Variants in COL23A1 observed in about 807,000 individuals in gnomAD.
The protein encoded by COL23A1 is collagen type XXIII alpha 1 chain.
Under a neutral mutation model 99.3 loss-of-function variants are expected in COL23A1, and 97 were observed. The observed-to-expected ratio is 0.98, with a 90% CI of 0.83 to 1.16. The LOEUF is 1.16. Ranked by LOEUF, COL23A1 falls within the 50% of genes most tolerant of loss-of-function variation. The probability of loss-of-function intolerance (pLI) is 0.00; values close to 1 mark genes in which losing one functional copy is unlikely to be tolerated. For synonymous variants in COL23A1, 320 were observed against 308.2 expected (o/e 1.04, Z -0.40); for missense variants, 762 against 757.4 (o/e 1.01, Z -0.07).
At chr5:178,442,375 C>A (rs901872330) in intron 2 of COL23A1, among the ~76,000 whole-genome samples, 1 of 152,156 alleles carries the variant, frequency 6.6e-6, no homozygotes, top group Admixed American at 6.5e-5. Context: ...TAAAGATCAC[C>A]GCCATCTCCA....
At chr5:178,539,470 C>T (rs1205994800) in intron 2 of COL23A1, among the ~76,000 whole-genome samples, 4 of 145,730 alleles carry the variant, frequency 2.7e-5, no homozygotes, top group African/African-American at 1.0e-4. Flanking sequence ...CACTTGAACC[C>T]GGGAGGCGGA....
At chr5:178,312,358 G>A (rs776765117) in intron 2 of COL23A1, among the ~76,000 whole-genome samples, 2 of 152,210 alleles carry the variant, frequency 1.3e-5, no homozygotes, top group African/African-American at 2.4e-5. Flanking sequence ...TCTGAGAGCA[G>A]CATCAGCACA....
chr5:178,480,863 T>C (rs1757294305), intron 2 of COL23A1, among the ~76,000 whole-genome samples: 1 of 152,118 alleles, frequency 6.6e-6, no homozygotes, highest in South Asian at 2.1e-4. Flanking sequence ...AAATGTGGGC[T>C]GGGCTGGCAC....
At chr5:178,508,099 C>T (rs777505039) in intron 2 of COL23A1, among the ~76,000 whole-genome samples, 24 of 151,756 alleles carry the variant, frequency 1.6e-4, no homozygotes, top group Admixed American at 1.5e-3. Flanking sequence ...TCCTATCTTC[C>T]AGTTTACTGA....
chr5:178,427,340 C>A (rs1226379502), intron 2 of COL23A1, among the ~76,000 whole-genome samples: 2 of 152,156 alleles, frequency 1.3e-5, no homozygotes, highest in Admixed American at 6.5e-5. Flanking sequence ...AGGGTACAGG[C>A]CCTTTGGAAT....
At chr5:178,358,938 G>T (rs1220243876) in intron 2 of COL23A1, among the ~76,000 whole-genome samples, 1 of 152,160 alleles carries the variant, frequency 6.6e-6, no homozygotes, top group African/African-American at 2.4e-5. Context: ...ACCTTTACAT[G>T]ACTGTAGTTA....
At chr5:178,412,555 C>T (rs1765106981) in intron 2 of COL23A1, among the ~76,000 whole-genome samples, 1 of 152,168 alleles carries the variant, frequency 6.6e-6, no homozygotes, top group Non-Finnish European at 1.5e-5. Flanking sequence ...TCTACCCCTT[C>T]CTTAATTTTC....
At chr5:178,259,965 G>A (rs959307951) in intron 11 of COL23A1, among the ~76,000 whole-genome samples, 9 of 152,248 alleles carry the variant, frequency 5.9e-5, no homozygotes, top group Non-Finnish European at 1.3e-4. Context: ...GCAAGGCACT[G>A]TTCTTGAAAG....
chr5:178,253,671 C>G (rs926493595), intron 16 of COL23A1, among the ~76,000 whole-genome samples: 4 of 151,590 alleles, frequency 2.6e-5, no homozygotes, highest in Non-Finnish European at 4.4e-5. Flanking sequence ...TTAGGAGAGA[C>G]GCGGTTTCAC....
intron 1 of COL23A1, among the ~76,000 whole-genome samples, chr5:178,585,902 C>T (rs980388116): frequency 1.3e-5 from 2 of 152,202 alleles, no homozygotes; most frequent in African/African-American, 2.4e-5. Flanking sequence ...AAGGGGATGG[C>T]GACCCTGTGA....
At chr5:178,320,210 G>A (rs1217946206) in intron 2 of COL23A1, among the ~76,000 whole-genome samples, 1 of 152,228 alleles carries the variant, frequency 6.6e-6, no homozygotes, top group Admixed American at 6.5e-5. Flanking sequence ...TCTTCTTGCT[G>A]GAACATCAGC....
At chr5:178,469,843 C>T (rs760804974) in intron 2 of COL23A1, among the ~76,000 whole-genome samples, 3 of 152,132 alleles carry the variant, frequency 2.0e-5, no homozygotes, top group African/African-American at 4.8e-5. Context: ...GCCACGGAAC[C>T]GTCTCCAACC....
At chr5:178,347,653 C>A (rs1305895138) in intron 2 of COL23A1, among the ~76,000 whole-genome samples, 1 of 151,636 alleles carries the variant, frequency 6.6e-6, no homozygotes, top group Non-Finnish European at 1.5e-5. Context: ...GGAGCTGAGG[C>A]GGGCGGATCA....
chr5:178,474,274 C>T (rs1257863389), intron 2 of COL23A1, among the ~76,000 whole-genome samples: 1 of 152,186 alleles, frequency 6.6e-6, no homozygotes, highest in Non-Finnish European at 1.5e-5. Context: ...AGGGTTATCC[C>T]GCCTAGTTCT....
At chr5:178,312,923 C>T (rs955545383) in intron 2 of COL23A1, among the ~76,000 whole-genome samples, 1 of 152,230 alleles carries the variant, frequency 6.6e-6, no homozygotes, top group African/African-American at 2.4e-5. Context: ...CCAGGCGCAA[C>T]AGCCAAAAGG....
Position 178,468,414 on chromosome 5 carries a change from T to C in COL23A1, c.361+92268A>G, listed in dbSNP as rs1315861027. On this transcript the variant is annotated intron_variant, in intron 2 of 28. Transcript: ENST00000390654. The surrounding 1 kb of genome is among the most constrained non-coding windows in gnomAD (Gnocchi z 4.2). ...ACTGGGCTAGGGGTCAGTGTGATGA[T>C]GGTGAATGCAAGAATATCAACAACC... 6.6e-6 allele frequency among the ~76,000 whole-genome samples: 1 copy of C among 152,162 alleles called. No homozygotes were observed. The highest frequency in any genetic ancestry group is 1.5e-5 in the Non-Finnish European group (1 of 68,024).
intron 5 of COL23A1, among the ~76,000 whole-genome samples, chr5:178,277,611 C>T (rs1756662352): frequency 6.6e-6 from 1 of 152,212 alleles, no homozygotes; most frequent in Non-Finnish European, 1.5e-5. Flanking sequence ...CTCCCAGGGC[C>T]CTTTCAGCTC....
chr5:178,536,278 G>A (rs1166830591), intron 2 of COL23A1, among the ~76,000 whole-genome samples: 1 of 152,278 alleles, frequency 6.6e-6, no homozygotes. Context: ...GAACCACGAA[G>A]AGATGGAGAC....
At chr5:178,528,535 C>CGGGCGCA (rs1258548092) in intron 2 of COL23A1, among the ~76,000 whole-genome samples, 3 of 152,140 alleles carry the variant, frequency 2.0e-5, no homozygotes, top group Admixed American at 2.0e-4. Flanking sequence ...GAGTCAAGGC[C>CGGGCGCA]GGGCGCAGTG....
Sources: allele counts gnomAD v4.1 joint callset (sites outside exome capture counted in the v4.1 genomes callset), GRCh38; gene constraint gnomAD v4.1.1; non-coding constraint Gnocchi (gnomAD v3.1); transcripts MANE v1.5; gene names NCBI Gene and HGNC (gene_info 2026-07-23, HGNC 2026-07-21).